ABTB3: variants seen among roughly 807,000 people sequenced by gnomAD.
The protein encoded by ABTB3 is ankyrin repeat and BTB domain containing 3.
At chr12:107,364,046 T>C in the ABTB3 span, among the ~76,000 whole-genome samples, 1 of 152,198 alleles carries the variant, frequency 6.6e-6, no homozygotes, top group Admixed American at 6.5e-5. Flanking sequence ...TGGGTTATGC[T>C]GAAGTAACAG....
the ABTB3 span, among the ~76,000 whole-genome samples, chr12:107,510,956 G>A: frequency 6.6e-6 from 1 of 152,132 alleles, no homozygotes; most frequent in Admixed American, 6.6e-5. Context: ...TCTCTGAGAA[G>A]GTGACATTTC....
the ABTB3 span, among the ~76,000 whole-genome samples, chr12:107,410,634 T>C: frequency 7.2e-5 from 11 of 152,176 alleles, 1 homozygote; most frequent in South Asian, 2.3e-3. Context: ...TGGGGAGGAC[T>C]TGGACAGATT....
At chr12:107,353,430 A>G in the ABTB3 span, among the ~76,000 whole-genome samples, 1 of 152,172 alleles carries the variant, frequency 6.6e-6, no homozygotes, top group Non-Finnish European at 1.5e-5. Flanking sequence ...GGGATCTGGG[A>G]TCAGACAGAA....
At chr12:107,433,359 T>C in the ABTB3 span, among the ~76,000 whole-genome samples, 288 of 149,676 alleles carry the variant, frequency 1.9e-3, 2 homozygotes, top group African/African-American at 6.8e-3. Flanking sequence ...CAAGGGGGTT[T>C]GTTGGATTTA....
chr12:107,381,276 A>T, the ABTB3 span, among the ~76,000 whole-genome samples: 19 of 152,378 alleles, frequency 1.2e-4, no homozygotes, highest in South Asian at 2.9e-3. Context: ...ACTCAGGGGC[A>T]TGTGCTAAAT....
chr12:107,509,307 C>T, the ABTB3 span, among the ~76,000 whole-genome samples: 2 of 152,144 alleles, frequency 1.3e-5, no homozygotes, highest in African/African-American at 4.8e-5. Flanking sequence ...TGAAGCCAAA[C>T]CACCAAAAGA....
At chr12:107,366,369 C>T in the ABTB3 span, among the ~76,000 whole-genome samples, 1 of 152,074 alleles carries the variant, frequency 6.6e-6, no homozygotes, top group Non-Finnish European at 1.5e-5. Flanking sequence ...GAACATGTTC[C>T]TCCTCTTCTA....
chr12:107,622,560 C>A, the ABTB3 span, among the ~76,000 whole-genome samples: 4 of 152,218 alleles, frequency 2.6e-5, no homozygotes, highest in East Asian at 7.7e-4. Flanking sequence ...TGGCTCACTG[C>A]AACCTCTGCC....
chr12:107,422,840 C>T, the ABTB3 span, among the ~76,000 whole-genome samples: 1 of 152,200 alleles, frequency 6.6e-6, no homozygotes, highest in East Asian at 1.9e-4. Context: ...TCCAGGATTG[C>T]AAATTATATC....
At chr12:107,472,903 C>A in the ABTB3 span, among the ~76,000 whole-genome samples, 1 of 152,106 alleles carries the variant, frequency 6.6e-6, no homozygotes, top group African/African-American at 2.4e-5. Flanking sequence ...TAGAGTGTGA[C>A]CTTGGCCTTT....
the ABTB3 span, among the ~76,000 whole-genome samples, chr12:107,372,194 T>C: frequency 6.6e-6 from 1 of 152,232 alleles, no homozygotes; most frequent in South Asian, 2.1e-4. Context: ...GTTGGATCAA[T>C]GAATGAATAT....
chr12:107,398,312 G>C, the ABTB3 span, among the ~76,000 whole-genome samples: 2 of 152,212 alleles, frequency 1.3e-5, no homozygotes, highest in Non-Finnish European at 2.9e-5. Flanking sequence ...CACTGAGATA[G>C]AGTCATTTTT....
At chr12:107,511,064 G>T in the ABTB3 span, among the ~76,000 whole-genome samples, 1 of 152,184 alleles carries the variant, frequency 6.6e-6, no homozygotes, top group East Asian at 1.9e-4. Context: ...GCCCTGAGAT[G>T]AAAATGTGTT....
the ABTB3 span, among the ~76,000 whole-genome samples, chr12:107,517,541 T>C: frequency 6.6e-6 from 1 of 152,206 alleles, no homozygotes; most frequent in Admixed American, 6.5e-5. Flanking sequence ...TCTTTTATTT[T>C]GTTGAGCAAT....
chr12:107,429,504 G>A, the ABTB3 span, among the ~76,000 whole-genome samples: 1 of 152,278 alleles, frequency 6.6e-6, no homozygotes, highest in South Asian at 2.1e-4. Context: ...GAGCCAAATG[G>A]TTCCTCCCAC....
the ABTB3 span, among the ~76,000 whole-genome samples, chr12:107,578,654 ACT>A: frequency 6.6e-6 from 1 of 152,028 alleles, no homozygotes. Context: ...TAATGGAGAC[ACT>A]GTGACAAAAA....
chr12:107,515,117 TC>T, the ABTB3 span, among the ~76,000 whole-genome samples: 1 of 152,162 alleles, frequency 6.6e-6, no homozygotes, highest in African/African-American at 2.4e-5. Context: ...CCAGAGAGAT[TC>T]TATGACCTGC....
At chr12:107,612,207 AAG>A in the ABTB3 span, among the ~76,000 whole-genome samples, 366 of 152,374 alleles carry the variant, frequency 2.4e-3, 2 homozygotes, top group African/African-American at 8.5e-3. Context: ...TTATAGAAGC[AAG>A]AGTCATTGGT....
the ABTB3 span, among the ~76,000 whole-genome samples, chr12:107,386,978 CT>C: frequency 3.0e-3 from 396 of 133,962 alleles, no homozygotes; most frequent in East Asian, 6.7e-3. Context: ...CAGCTACATT[CT>C]TTTTTTTTTT....
Sources: gnomAD v4.1 joint callset for allele counts (sites outside exome capture counted in the v4.1 genomes callset) on GRCh38, gnomAD v4.1.1 for gene constraint, MANE v1.5 for transcripts, NCBI Gene and HGNC (gene_info 2026-07-23, HGNC 2026-07-21) for gene names.